HCN1: variants seen among roughly 807,000 people sequenced by gnomAD.
HCN1 encodes hyperpolarization activated cyclic nucleotide gated potassium channel 1, also known as potassium/sodium hyperpolarization-activated cyclic nucleotide-gated channel 1.
In HCN1, 13 loss-of-function variants were observed where a neutral mutation model predicts 78.9. The ratio of observed to expected loss-of-function variants is 0.16; its 90% CI spans 0.11 to 0.26. The LOEUF is 0.26. Ranked by LOEUF, HCN1 falls within the 10% of genes least tolerant of loss-of-function variation. HCN1 has a pLI of 1.00. For missense variants in HCN1, 810 were observed against 1,154.3 expected, an observed-to-expected ratio of 0.70 and a Z score of 4.32; for synonymous variants, 552 against 455.5, an observed-to-expected ratio of 1.21 and a Z score of -2.70.
At chr5:45,323,613 G>T (rs937629730) in intron 5 of HCN1, among the ~76,000 whole-genome samples, 36 of 151,678 alleles carry the variant, frequency 2.4e-4, no homozygotes, top group African/African-American at 8.5e-4. Flanking sequence ...TATGCACAAC[G>T]TGCAGGTTTG....
intron 3 of HCN1, among the ~76,000 whole-genome samples, chr5:45,399,977 G>A (rs1739759680): frequency 6.6e-6 from 1 of 152,020 alleles, no homozygotes; most frequent in South Asian, 2.1e-4. Context: ...TACTTTATCA[G>A]TGAAAATGTA....
At chr5:45,367,745 C>T (rs1256369631) in intron 4 of HCN1, among the ~76,000 whole-genome samples, 5 of 151,854 alleles carry the variant, frequency 3.3e-5, no homozygotes, top group Non-Finnish European at 1.5e-5. Flanking sequence ...AATCTAACTA[C>T]AATAAAGTCA....
intron 4 of HCN1, among the ~76,000 whole-genome samples, chr5:45,393,880 T>C (rs563199241): frequency 1.3e-5 from 2 of 152,254 alleles, no homozygotes; most frequent in Non-Finnish European, 2.9e-5. Context: ...GTAAAAATTG[T>C]AAATGGTGAT....
chr5:45,458,892 G>A (rs1291208983), intron 3 of HCN1, among the ~76,000 whole-genome samples: 1 of 151,834 alleles, frequency 6.6e-6, no homozygotes, highest in East Asian at 1.9e-4. Flanking sequence ...ATAAATGCAG[G>A]GTGCTTTTGT....
intron 1 of HCN1, among the ~76,000 whole-genome samples, chr5:45,653,101 A>C (rs2112043422): frequency 6.6e-6 from 1 of 152,162 alleles, no homozygotes; most frequent in African/African-American, 2.4e-5. Context: ...TCACATACAC[A>C]GTCCCAAGCT....
At chr5:45,637,658 T>C (rs1745379747) in intron 2 of HCN1, among the ~76,000 whole-genome samples, 2 of 151,154 alleles carry the variant, frequency 1.3e-5, no homozygotes, top group African/African-American at 4.9e-5. Context: ...TAAAATGAGA[T>C]GGATAATCTG....
At position 45,458,406 on chromosome 5, in the gene HCN1, C is replaced by G. The variant is rs140445909; in HGVS notation, c.1011+3440G>C. On this transcript the variant is annotated intron_variant, in intron 3 of 7. Transcript: ENST00000303230. ...AAGGTCATAGCATGTTTGTCAAGCC[C>G]AAACCCAAGAAAGACGAGTGCATTC... Among the ~76,000 whole-genome samples, 351 of 152,098 alleles carry G rather than the reference C, an allele frequency of 2.3e-3. 3 individuals are homozygous for G. Among genetic ancestry groups the G allele is most frequent in the African/African-American group, 8.1e-3 (335 of 41,522 alleles).
chr5:45,593,214 A>G (rs200587996), intron 2 of HCN1, among the ~76,000 whole-genome samples: 219 of 20,646 alleles, frequency 0.011, 1 homozygote, highest in Non-Finnish European at 0.012. Context: ...ACGCACGCGC[A>G]CACACACACA....
At chr5:45,401,195 C>A (rs867786318) in intron 3 of HCN1, among the ~76,000 whole-genome samples, 1 of 152,028 alleles carries the variant, frequency 6.6e-6, no homozygotes, top group Non-Finnish European at 1.5e-5. Flanking sequence ...AAGGCAGTAC[C>A]TTTTCCAATG....
intron 2 of HCN1, among the ~76,000 whole-genome samples, chr5:45,599,261 G>T (rs1579992475): frequency 1.3e-5 from 2 of 152,198 alleles, no homozygotes; most frequent in Admixed American, 6.5e-5. Flanking sequence ...CCTTTGCAGG[G>T]ACATGGATGA....
chr5:45,535,675 A>G lies in HCN1; in HGVS notation c.850-73668T>C, dbSNP rs144491510. ...ATAATAGAGAAGCAAATATAACTCA[A>G]TAAGTCTCAGTGTTCATTGTTCTGC... On this transcript the variant is annotated intron_variant, in intron 2 of 7. Transcript: ENST00000303230. Among the ~76,000 whole-genome samples, 69 of 152,262 alleles carry G rather than the reference A, an allele frequency of 4.5e-4. No individual in the cohort carries two copies. In the East Asian group the frequency reaches 6.2e-3, roughly 14 times the overall value.
chr5:45,482,565 C>G (rs1248793468), intron 2 of HCN1, among the ~76,000 whole-genome samples: 1 of 152,184 alleles, frequency 6.6e-6, no homozygotes, highest in Non-Finnish European at 1.5e-5. Flanking sequence ...TTCTGAGCCT[C>G]TCCCAGCCCC....
At chr5:45,620,660 A>G (rs534160635) in intron 2 of HCN1, among the ~76,000 whole-genome samples, 1 of 151,362 alleles carries the variant, frequency 6.6e-6, no homozygotes, top group African/African-American at 2.4e-5. Context: ...TAAATACAAA[A>G]AATGACCAAG....
intron 4 of HCN1, among the ~76,000 whole-genome samples, chr5:45,363,036 T>C (rs1747148477): frequency 6.7e-6 from 1 of 149,692 alleles, no homozygotes; most frequent in African/African-American, 2.4e-5. Flanking sequence ...ACTACCATGA[T>C]ACTTAATTAG....
chr5:45,490,032 A>G (rs1741850859), intron 2 of HCN1, among the ~76,000 whole-genome samples: 1 of 152,304 alleles, frequency 6.6e-6, no homozygotes, highest in Admixed American at 6.5e-5. Context: ...AAACCTACTG[A>G]CAATACTTTT....
chr5:45,548,899 G>C (rs1338878851), intron 2 of HCN1, among the ~76,000 whole-genome samples: 2 of 151,544 alleles, frequency 1.3e-5, no homozygotes, highest in Non-Finnish European at 2.9e-5. Flanking sequence ...ATTCACAATT[G>C]CTTCAAAGAG....
At chr5:45,500,236 C>G (rs924292703) in intron 2 of HCN1, among the ~76,000 whole-genome samples, 1 of 151,940 alleles carries the variant, frequency 6.6e-6, no homozygotes, top group Non-Finnish European at 1.5e-5. Context: ...CTATGTCCAG[C>G]CCTGGCAAAA....
intron 4 of HCN1, among the ~76,000 whole-genome samples, chr5:45,364,123 C>T (rs75911399): frequency 0.035 from 5,269 of 152,132 alleles, 331 homozygotes; most frequent in African/African-American, 0.12. Context: ...TTCTGGCTTT[C>T]GTGTTTCTTC....
In HCN1 at chr5:45,493,846, C is replaced by T. The variant is rs1243212757; in HGVS notation, c.850-31839G>A. Reference sequence around the variant, plus strand: ...ATTCCCACCTATGAGTGAGAATATGCGGTGTTTGGTTTTTTGTTCTTGCGA... The same window carrying T: ...ATTCCCACCTATGAGTGAGAATATGTGGTGTTTGGTTTTTTGTTCTTGCGA... On this transcript the variant is annotated intron_variant, in intron 2 of 7. Transcript: ENST00000303230. Among the ~76,000 whole-genome samples the T allele has an allele frequency of 3.0e-4, 45 of 148,356 alleles. 1 individual carries two copies. The highest frequency in any genetic ancestry group is 1.2e-3 in the Admixed American group (18 of 14,590).
Sources: gnomAD v4.1 joint callset for allele counts (sites outside exome capture counted in the v4.1 genomes callset) on GRCh38, gnomAD v4.1.1 for gene constraint, MANE v1.5 for transcripts, NCBI Gene and HGNC (gene_info 2026-07-23, HGNC 2026-07-21) for gene names.